Variants in CDH2 observed in about 807,000 individuals in gnomAD.
CDH2 encodes cadherin-2.
Under a neutral mutation model 92.0 loss-of-function variants are expected in CDH2, and 17 were observed. The ratio of observed to expected loss-of-function variants is 0.18; its 90% CI spans 0.13 to 0.28. The LOEUF is 0.28. Among genes scored for constraint, CDH2 ranks in the 10% least tolerant of loss-of-function variants. CDH2 has a pLI of 1.00. For synonymous variants in CDH2, 419 were observed against 415.9 expected, an observed-to-expected ratio of 1.01 and a Z score of -0.09; for missense variants, 862 against 1,133.1, an observed-to-expected ratio of 0.76 and a Z score of 3.44.
chr18:27,990,339 A>G lies in CDH2; in HGVS notation c.1356T>C (p.Phe452=). The change falls in exon 10 of 16, where the codon TTT becomes TTC. Residue 452 remains phenylalanine, a synonymous_variant. Transcript: ENST00000269141. ...GLVTVVKPID[F]ETNRMFVLTV... ...TAAGGACAAACATCCTATTTGTTTCAAAGTCGATTGGCTGGAAAATAAAAG... is the reference window on the plus strand; with the variant it reads ...TAAGGACAAACATCCTATTTGTTTCGAAGTCGATTGGCTGGAAAATAAAAG... 6.2e-7 allele frequency: 1 copy of G among 1,609,156 alleles called. No individual in the cohort carries two copies. Among genetic ancestry groups the G allele is most frequent in the Non-Finnish European group, 8.5e-7 (1 of 1,176,104 alleles).
At chr18:28,064,226 A>G (rs1009210831) in intron 2 of CDH2, among the ~76,000 whole-genome samples, 3 of 152,122 alleles carry the variant, frequency 2.0e-5, no homozygotes, top group Admixed American at 6.5e-5. Context: ...TATGGAGGCA[A>G]TCCCTGGGGA....
chr18:27,978,611 TGG>T (rs35742329), intron 14 of CDH2, among the ~76,000 whole-genome samples: 2,698 of 146,706 alleles, frequency 0.018, 79 homozygotes, highest in African/African-American at 0.065. Context: ...TATATGTAGT[TGG>T]GGGGGGGGAT....
Position 28,138,992 on chromosome 18 carries a change from G to C in CDH2, c.172+8681C>G, listed in dbSNP as rs547641415. Among the ~76,000 whole-genome samples, 314 of 152,154 alleles carry C rather than the reference G, an allele frequency of 2.1e-3. 1 individual carries two copies. Among genetic ancestry groups the C allele is most frequent in the Non-Finnish European group, 1.6e-3 (110 of 67,950 alleles). ...AAAACCATCTGTCAAGGATGCTACA[G>C]CAATGAAAATGCTGTTTACATCATT... On this transcript the variant is annotated intron_variant, in intron 2 of 15. Transcript: ENST00000269141.
At chr18:28,106,493 C>A (rs2015325060) in intron 2 of CDH2, among the ~76,000 whole-genome samples, 1 of 148,228 alleles carries the variant, frequency 6.7e-6, no homozygotes, top group African/African-American at 2.5e-5. Flanking sequence ...TTGTTTCTTC[C>A]CAGATGGATG....
intron 15 of CDH2, among the ~76,000 whole-genome samples, chr18:27,960,922 A>C (rs2011385188): frequency 1.3e-5 from 2 of 152,106 alleles, no homozygotes; most frequent in African/African-American, 4.8e-5. Flanking sequence ...GAAAATTCCA[A>C]ATGGAAATTC....
chr18:28,046,746 A>C (rs1253670097), intron 2 of CDH2, among the ~76,000 whole-genome samples: 2 of 150,786 alleles, frequency 1.3e-5, no homozygotes, highest in African/African-American at 4.9e-5. Flanking sequence ...TAGATGTGCT[A>C]CTTATTTTAA....
chr18:27,950,417 C>T (rs546646644), downstream of CDH2, among the ~76,000 whole-genome samples: 5 of 152,048 alleles, frequency 3.3e-5, no homozygotes, highest in South Asian at 1.0e-3. Context: ...CTTTTGTTGC[C>T]CTCTGCAACC....
intron 2 of CDH2, among the ~76,000 whole-genome samples, chr18:28,129,544 A>C (rs549904068): frequency 2.0e-5 from 3 of 152,316 alleles, no homozygotes; most frequent in Admixed American, 6.5e-5. Flanking sequence ...TAACTTATAA[A>C]AATTGGGTCT....
At chr18:28,089,679 C>T (rs2015001467) in intron 2 of CDH2, among the ~76,000 whole-genome samples, 1 of 152,116 alleles carries the variant, frequency 6.6e-6, no homozygotes, top group Non-Finnish European at 1.5e-5. Context: ...TATGCATTTC[C>T]TAATTGGTCC....
intron 14 of CDH2, 49 bp from the exon 15 acceptor site, chr18:27,963,570 G>C (rs772642707): frequency 6.4e-7 from 1 of 1,562,476 alleles, no homozygotes; most frequent in African/African-American, 1.4e-5. Flanking sequence ...CACAAAGATA[G>C]AAAATTACAA....
chr18:28,143,692 T>TAG lies in CDH2; in HGVS notation c.172+3980_172+3981insCT, dbSNP rs2015990406. Among the ~76,000 whole-genome samples, 4 of 152,056 alleles carry TAG rather than the reference T, an allele frequency of 2.6e-5. No individual in the cohort carries two copies. The East Asian group carries it at 7.8e-4, about 30-fold the overall frequency. On this transcript the variant is annotated intron_variant, in intron 2 of 15. Transcript: ENST00000269141. ...CTTTCTCTGTGTTATACCATAAGTT[T>TAG]TTTATCATCACCATCATCAGAACTA...
At chr18:28,149,264 A>G (rs2016085238) in intron 1 of CDH2, among the ~76,000 whole-genome samples, 1 of 152,214 alleles carries the variant, frequency 6.6e-6, no homozygotes, top group East Asian at 1.9e-4. Context: ...AATAGCAGAG[A>G]TTCTGTACAT....
chr18:28,041,415 A>T (rs976816046), intron 2 of CDH2, among the ~76,000 whole-genome samples: 1 of 152,188 alleles, frequency 6.6e-6, no homozygotes, highest in Admixed American at 6.5e-5. Context: ...CATTTTATAT[A>T]AAATAAAAAG....
downstream of CDH2, among the ~76,000 whole-genome samples, chr18:27,949,144 A>G (rs578069927): frequency 2.0e-5 from 3 of 152,112 alleles, no homozygotes; most frequent in African/African-American, 7.2e-5. Context: ...CCAAAGAAAA[A>G]AGAAGGCGGC....
At chr18:28,127,047 G>C (rs940311739) in intron 2 of CDH2, among the ~76,000 whole-genome samples, 1 of 152,124 alleles carries the variant, frequency 6.6e-6, no homozygotes, top group Non-Finnish European at 1.5e-5. Flanking sequence ...TCCTCCTCAA[G>C]GCACTGTGGA....
chr18:27,971,328 A>G (rs1462666143), intron 14 of CDH2, among the ~76,000 whole-genome samples: 10 of 135,598 alleles, frequency 7.4e-5, no homozygotes, highest in African/African-American at 2.8e-4. Flanking sequence ...TTTTTTTTGC[A>G]TAGTACTAAT....
At chr18:27,985,474 A>G (rs1245479718) in intron 12 of CDH2, 54 bp downstream of exon 12, 1 of 1,190,540 alleles carries the variant, frequency 8.4e-7, no homozygotes, top group South Asian at 1.4e-5. Context: ...TTTTCATGCC[A>G]GGCTTCAAAA....
chr18:28,062,444 A>G (rs552855241), intron 2 of CDH2, among the ~76,000 whole-genome samples: 37 of 152,272 alleles, frequency 2.4e-4, no homozygotes, highest in African/African-American at 8.4e-4. Flanking sequence ...TGTCTTCATT[A>G]TTTTTATAGC....
At chr18:28,091,721 A>C (rs1369141860) in intron 2 of CDH2, among the ~76,000 whole-genome samples, 1 of 152,200 alleles carries the variant, frequency 6.6e-6, no homozygotes, top group Middle Eastern at 3.2e-3. Flanking sequence ...TTTGAAAATG[A>C]CATTAATACA....
Sources: allele counts gnomAD v4.1 joint callset (sites outside exome capture counted in the v4.1 genomes callset), GRCh38; gene constraint gnomAD v4.1.1; transcripts MANE v1.5; gene names NCBI Gene and HGNC (gene_info 2026-07-23, HGNC 2026-07-21).